PHEX: variants seen among roughly 807,000 people sequenced by gnomAD.
PHEX encodes phosphate-regulating neutral endopeptidase PHEX.
Under a neutral mutation model 68.0 loss-of-function variants are expected in PHEX, and 16 were observed. The observed-to-expected ratio is 0.24, with a 90% confidence interval of 0.16 to 0.36. The LOEUF (loss-of-function observed/expected upper bound fraction) is 0.36. PHEX is among the 10% of genes least tolerant of loss of function. The pLI is 1.00. For missense variants in PHEX, 480 were observed against 575.5 expected (o/e 0.83, Z 1.70); for synonymous variants, 208 against 205.1 (o/e 1.01, Z -0.12).
chrX:22,052,979 A>G (rs1009424115), intron 3 of PHEX, among the ~76,000 whole-genome samples: 8 of 111,323 alleles, frequency 7.2e-5, no homozygotes, highest in African/African-American at 2.6e-4. Context: ...AAAAAAGGGG[A>G]AAAAAAGGAA....
At chrX:22,176,898 T>G (rs147042551) in intron 13 of PHEX, among the ~76,000 whole-genome samples, 10,552 of 111,101 alleles carry the variant, frequency 0.095, 536 homozygotes, top group African/African-American at 0.19. Flanking sequence ...ACAATTTGTT[T>G]ATCAGCCCCT....
At chrX:22,210,465 GT>G (rs1934884440) in intron 15 of PHEX, among the ~76,000 whole-genome samples, 1 of 111,876 alleles carries the variant, frequency 8.9e-6, no homozygotes, top group Non-Finnish European at 1.9e-5. Flanking sequence ...AATCACATTG[GT>G]TTATGATCAT....
chrX:22,168,147 G>A (rs1933397284), intron 12 of PHEX, among the ~76,000 whole-genome samples, 165 bp from the exon 13 acceptor site: 1 of 111,394 alleles, frequency 9.0e-6, no homozygotes, highest in South Asian at 3.8e-4. Context: ...GTATACTGAG[G>A]TCTCTCAATA....
Position 22,178,211 on chromosome X carries a change from T to C in PHEX, c.1483-62T>C, listed in dbSNP as rs190330668. The C allele has an allele frequency of 5.7e-4, 436 of 765,917 alleles. 4 individuals are homozygous for C. The Admixed American group carries it at 9.9e-3, about 17-fold the overall frequency. 63.1% of individuals were successfully genotyped at this position (765,917 alleles called of 1,213,427 possible). On this transcript the variant is annotated intron_variant, in intron 13 of 21. Transcript: ENST00000379374. ...AGTTGCTCCTTCCTATGCTGAAGTA[T>C]TTTTTTAGAGCCATCTTTTATCTTT... is the stretch of plus-strand genomic sequence containing the variant.
At chrX:22,138,333 C>T (rs1228985648) in intron 12 of PHEX, among the ~76,000 whole-genome samples, 1 of 112,672 alleles carries the variant, frequency 8.9e-6, no homozygotes, top group Non-Finnish European at 1.9e-5. Context: ...GGTGCTGAGC[C>T]GGGATTCGGA....
chrX:22,122,339 T>C (rs1569400929), intron 11 of PHEX, among the ~76,000 whole-genome samples: 1 of 111,423 alleles, frequency 9.0e-6, no homozygotes, highest in Non-Finnish European at 1.9e-5. Context: ...TGGTTATTAT[T>C]ATCAAGATCA....
intron 20 of PHEX, among the ~76,000 whole-genome samples, chrX:22,234,270 A>C (rs377727249): frequency 8.9e-5 from 10 of 112,661 alleles, no homozygotes; most frequent in African/African-American, 3.2e-4. Flanking sequence ...CACGGGGGTC[A>C]GGTACCCACT....
rs1936433482 is a variant in PHEX at position 22,247,776 on chromosome X, TCTG to T, written c.2148-72_2148-70del. On this transcript the variant is annotated intron_variant, in intron 21 of 21. Coordinates refer to ENST00000379374, the MANE Select transcript of PHEX (RefSeq NM_000444.6). ...ATGCCAACCTTCTTTCTAGCAATAT[TCTG>T]CTACAGTTTTATACAGAACCTGTTG... The T allele has an allele frequency of 6.9e-6, 5 of 727,367 alleles. No homozygotes were observed. In the East Asian group the frequency reaches 1.6e-4, roughly 23 times the overall value. 59.9% of individuals were successfully genotyped at this position (727,367 alleles called of 1,213,427 possible). A position where few individuals can be genotyped will look rare whatever the true frequency, so the allele number is the denominator to read the frequency against.
intron 14 of PHEX, among the ~76,000 whole-genome samples, chrX:22,182,670 GT>G (rs1933916856): frequency 9.1e-6 from 1 of 110,138 alleles, no homozygotes; most frequent in Non-Finnish European, 1.9e-5. Flanking sequence ...CTTGCTGGAG[GT>G]TTCTACAGCC....
In PHEX at chrX:22,111,577, T is replaced by G; in HGVS notation, c.1173+17T>G. Reference sequence around the variant, plus strand: ...TTCTCAAGGGTAAGTTTAAGAAGATTGCAGTGTTACATCGCTGGATAACTT... The same window carrying G: ...TTCTCAAGGGTAAGTTTAAGAAGATGGCAGTGTTACATCGCTGGATAACTT... On this transcript the variant is annotated intron_variant, in intron 10 of 21. Coordinates refer to ENST00000379374, the MANE Select transcript of PHEX (RefSeq NM_000444.6). The G allele has an allele frequency of 9.3e-7, 1 of 1,075,764 alleles. No homozygotes were observed. The highest frequency in any genetic ancestry group is 1.3e-6 in the Non-Finnish European group (1 of 770,988). 88.7% of individuals were successfully genotyped at this position (1,075,764 alleles called of 1,213,427 possible). A position where few individuals can be genotyped will look rare whatever the true frequency, so the allele number is the denominator to read the frequency against.
chrX:22,033,168 A>G (rs1361188984), intron 1 of PHEX, 45 bp downstream of exon 1: 1 of 958,325 alleles, frequency 1.0e-6, no homozygotes, highest in African/African-American at 1.9e-5. Flanking sequence ...GTGTGTCGAG[A>G]AGTTTCCTTG....
At chrX:22,239,562 G>A (rs1936110281) in intron 20 of PHEX, among the ~76,000 whole-genome samples, 1 of 110,546 alleles carries the variant, frequency 9.0e-6, no homozygotes. Context: ...TGATGGAGCT[G>A]AAAAACACAG....
intron 13 of PHEX, among the ~76,000 whole-genome samples, chrX:22,170,263 A>T (rs897902533): frequency 8.9e-6 from 1 of 111,878 alleles, no homozygotes; most frequent in Non-Finnish European, 1.9e-5. Flanking sequence ...CCTTAGCAGG[A>T]GAACCTGGGT....
At chrX:22,136,164 C>T (rs186010784) in intron 12 of PHEX, among the ~76,000 whole-genome samples, 17 of 101,352 alleles carry the variant, frequency 1.7e-4, no homozygotes, top group African/African-American at 6.1e-4. Context: ...CTTTCTACTC[C>T]GGCGTTGTTT....
intron 15 of PHEX, among the ~76,000 whole-genome samples, chrX:22,204,615 T>TG (rs1934655357): frequency 8.9e-6 from 1 of 111,795 alleles, no homozygotes; most frequent in African/African-American, 3.3e-5. Flanking sequence ...ATGTTAGTAG[T>TG]CAGTGGTTAT....
rs1215032673 is a variant in PHEX at position 22,077,713 on chromosome X, G to T, written c.663+11G>T. 8.7e-7 allele frequency: 1 copy of T among 1,153,096 alleles called. No homozygotes were observed. Among genetic ancestry groups the T allele is most frequent in the African/African-American group, 1.8e-5 (1 of 56,051 alleles). On this transcript the variant is annotated intron_variant, in intron 5 of 21. Transcript: ENST00000379374. ...GAACATATCTTGAAGGTATAATGAG[G>T]ACCCATTCATCTTCTTTGCTCAGTC...
chrX:22,078,725 T>A (rs1377322712), intron 5 of PHEX, among the ~76,000 whole-genome samples: 1 of 111,909 alleles, frequency 8.9e-6, no homozygotes, highest in African/African-American at 3.2e-5. Context: ...ACTACTTAAT[T>A]CTGCCATTGT....
intron 18 of PHEX, among the ~76,000 whole-genome samples, chrX:22,224,993 G>GCTTTATTA: frequency 1.0e-5 from 1 of 99,031 alleles, no homozygotes; most frequent in African/African-American, 3.7e-5. Context: ...AGCTCTGTAT[G>GCTTTATTA]TCAGAAGTCT....
intron 3 of PHEX, among the ~76,000 whole-genome samples, chrX:22,064,651 C>A (rs7066664): frequency 0.039 from 4,330 of 111,992 alleles, 207 homozygotes; most frequent in African/African-American, 0.13. Flanking sequence ...AATTCAGTAC[C>A]TCTCCAGGGT....
Sources: allele counts gnomAD v4.1 joint callset (sites outside exome capture counted in the v4.1 genomes callset), GRCh38; gene constraint gnomAD v4.1.1; transcripts MANE v1.5; gene names NCBI Gene and HGNC (gene_info 2026-07-23, HGNC 2026-07-21).